EFR3A: variants seen among roughly 807,000 people sequenced by gnomAD.
EFR3A encodes EFR3 homolog A, also known as protein EFR3 homolog A.
EFR3A carries 76 observed loss-of-function variants against 104.4 expected under a neutral mutation model. The observed-to-expected ratio is 0.73, with a 90% CI of 0.60 to 0.88. The LOEUF (loss-of-function observed/expected upper bound fraction) is 0.88. Ranked by LOEUF, EFR3A falls within the 40% of genes least tolerant of loss-of-function variation. The pLI, the probability that EFR3A is intolerant of heterozygous loss-of-function variation, is 0.00. For synonymous variants in EFR3A, 330 were observed against 330.0 expected, an observed-to-expected ratio of 1.00 and a Z score of 0.00; for missense variants, 985 against 1,012.5, an observed-to-expected ratio of 0.97 and a Z score of 0.37.
At chr8:131,937,779 C>CT (rs78277313) in intron 1 of EFR3A, among the ~76,000 whole-genome samples, 2,231 of 137,716 alleles carry the variant, frequency 0.016, 49 homozygotes, top group African/African-American at 0.05. Flanking sequence ...TCATCCCCCT[C>CT]TTTTTTTTTT....
At chr8:131,935,619 T>C (rs1817842583) in intron 1 of EFR3A, 1 of 269,652 alleles carries the variant, frequency 3.7e-6, no homozygotes, top group Non-Finnish European at 7.6e-6. Context: ...TGTATGCTTT[T>C]ATAGATTATG....
Position 131,904,281 on chromosome 8 carries a change from T to C in EFR3A, c.-32T>C. The C allele has an allele frequency of 8.6e-6, 11 of 1,280,294 alleles. No individual in the cohort carries two copies. Among genetic ancestry groups the C allele is most frequent in the Non-Finnish European group, 1.1e-5 (11 of 1,011,468 alleles). The allele number at this position is 1,280,294 out of a possible 1,614,324, so 79.3% of individuals were successfully genotyped here. A position where few individuals can be genotyped will look rare whatever the true frequency, so the allele number is the denominator to read the frequency against. ...GCTCCCTGCGCGGCCCCGCTGAGCC[T>C]CGGTGCGGCGGCGAGCGCGGTCGAG... On this transcript the variant is annotated 5_prime_UTR_variant, in exon 1 of 23. Coordinates refer to ENST00000254624, the MANE Select transcript of EFR3A (RefSeq NM_015137.6).
chr8:131,941,193 T>G (rs1265526661), intron 2 of EFR3A, among the ~76,000 whole-genome samples: 1 of 152,040 alleles, frequency 6.6e-6, no homozygotes, highest in Non-Finnish European at 1.5e-5. Context: ...AGTTTTTCTT[T>G]TTACTTAAAT....
intron 10 of EFR3A, among the ~76,000 whole-genome samples, chr8:131,971,685 CAAAA>C (rs34769645): frequency 4.8e-5 from 6 of 126,216 alleles, no homozygotes; most frequent in African/African-American, 1.2e-4. Context: ...GACTCCGTCT[CAAAA>C]AAAAAAAAAA....
chr8:131,985,389 C>CT (rs1387554714), intron 16 of EFR3A, among the ~76,000 whole-genome samples: 1 of 152,026 alleles, frequency 6.6e-6, no homozygotes, highest in Non-Finnish European at 1.5e-5. Context: ...AAATTATACT[C>CT]TTTTGTTGTT....
At position 131,938,201 on chromosome 8, in the gene EFR3A, G is replaced by T; in HGVS notation, c.11-2298G>T. The T allele has an allele frequency of 7.5e-6, 3 of 397,358 alleles. No homozygotes were observed. In the South Asian group the frequency reaches 3.9e-4, roughly 51 times the overall value. The allele number at this position is 397,358 out of a possible 1,614,324, so 24.6% of individuals were successfully genotyped here. A position where few individuals can be genotyped will look rare whatever the true frequency, so the allele number is the denominator to read the frequency against. ...AAAAGGATCTAGAGTCAGAAAGATC[G>T]ACTAGAAAATAGTCTGATACAACAT... On this transcript the variant is annotated intron_variant, in intron 1 of 22. Coordinates refer to ENST00000254624, the MANE Select transcript of EFR3A (RefSeq NM_015137.6).
chr8:131,928,020 T>C (rs773516065), intron 1 of EFR3A, among the ~76,000 whole-genome samples: 61 of 152,182 alleles, frequency 4.0e-4, no homozygotes, highest in Non-Finnish European at 7.6e-4. Flanking sequence ...CTTCTGACAA[T>C]GGAAAATAAA....
At chr8:131,947,090 T>C (rs1818477740) in intron 4 of EFR3A, among the ~76,000 whole-genome samples, 1 of 152,048 alleles carries the variant, frequency 6.6e-6, no homozygotes, top group South Asian at 2.1e-4. Flanking sequence ...ATGTAGTAAC[T>C]GTGTTTAACT....
chr8:131,956,822 G>C (rs545021702), intron 7 of EFR3A, among the ~76,000 whole-genome samples: 2 of 152,034 alleles, frequency 1.3e-5, no homozygotes, highest in Non-Finnish European at 2.9e-5. Context: ...TTGTTTAAAG[G>C]CTCCCTAAGC....
intron 1 of EFR3A, among the ~76,000 whole-genome samples, chr8:131,914,955 G>T (rs574509466): frequency 1.3e-5 from 2 of 152,234 alleles, no homozygotes; most frequent in African/African-American, 4.8e-5. Context: ...ATAGCCTCCA[G>T]CTCCATCTGT....
At chr8:131,934,487 A>G (rs1190464626) in intron 1 of EFR3A, among the ~76,000 whole-genome samples, 1 of 152,136 alleles carries the variant, frequency 6.6e-6, no homozygotes, top group African/African-American at 2.4e-5. Context: ...CTTTGTCCTA[A>G]AATGTCCAAG....
chr8:131,996,258 C>T (rs1009803172), intron 18 of EFR3A, 148 bp from the exon 19 acceptor site: 4 of 491,228 alleles, frequency 8.1e-6, no homozygotes, highest in African/African-American at 6.1e-5. Flanking sequence ...TCCGAGAACA[C>T]GCTGCTTTTA....
At chr8:131,986,357 G>T in intron 17 of EFR3A, 96 bp downstream of exon 17, 1 of 578,020 alleles carries the variant, frequency 1.7e-6, no homozygotes. Context: ...AATAATTCCT[G>T]GTGCTTTATA....
At chr8:131,964,863 CAG>C (rs1819608911) in intron 8 of EFR3A, among the ~76,000 whole-genome samples, 1 of 151,666 alleles carries the variant, frequency 6.6e-6, no homozygotes, top group Non-Finnish European at 1.5e-5. Context: ...GGTACCAAAA[CAG>C]AGATATAGAC....
chr8:131,978,986 G>T lies in EFR3A; in HGVS notation c.1466G>T (p.Arg489Leu). 6.2e-7 allele frequency: 1 copy of T among 1,612,330 alleles called. No homozygotes were observed. The highest frequency in any genetic ancestry group is 8.5e-7 in the Non-Finnish European group (1 of 1,179,028). ...GAAGTAATGCATAATCTCATGGATC[G>T]TCATGACAATAGGGCAAAGCTTCGA... is the stretch of plus-strand genomic sequence containing the variant. ...VLEVMHNLMD[R>L]HDNRAKLRGI... Residue 489 changes from arginine (R) to leucine (L), a missense_variant, in exon 13 of 23, where the codon CGT (arginine) becomes CTT (leucine). Transcript: ENST00000254624.
intron 18 of EFR3A, 106 bp from the exon 19 acceptor site, chr8:131,996,300 T>C: frequency 1.5e-6 from 1 of 649,932 alleles, no homozygotes; most frequent in South Asian, 2.5e-5. Flanking sequence ...AGACAAACTG[T>C]CTGAATTTTT....
intron 1 of EFR3A, among the ~76,000 whole-genome samples, chr8:131,927,137 C>T (rs1028080011): frequency 1.3e-5 from 2 of 152,076 alleles, no homozygotes; most frequent in African/African-American, 4.8e-5. Flanking sequence ...GTTATTAACC[C>T]AAATGGTAAT....
At chr8:131,970,939 C>G (rs569985103) in intron 10 of EFR3A, among the ~76,000 whole-genome samples, 1 of 151,960 alleles carries the variant, frequency 6.6e-6, no homozygotes, top group East Asian at 1.9e-4. Flanking sequence ...CTCTCTGTTT[C>G]TTTCTCTCCC....
At chr8:131,973,408 CTT>C (rs1017240856) in intron 10 of EFR3A, among the ~76,000 whole-genome samples, 1 of 151,954 alleles carries the variant, frequency 6.6e-6, no homozygotes, top group Non-Finnish European at 1.5e-5. Flanking sequence ...CAGTGTTACT[CTT>C]TCACTCTAGA....
Sources: gnomAD v4.1 joint callset for allele counts (sites outside exome capture counted in the v4.1 genomes callset) on GRCh38, gnomAD v4.1.1 for gene constraint, MANE v1.5 for transcripts, NCBI Gene and HGNC (gene_info 2026-07-23, HGNC 2026-07-21) for gene names.